Variants in SPPL2A observed in about 807,000 individuals in gnomAD.
SPPL2A encodes the protein signal peptide peptidase like 2A.
Under a neutral mutation model 63.8 loss-of-function variants are expected in SPPL2A, and 51 were observed. That is an observed-to-expected ratio of 0.80 (90% CI 0.64 to 1.01). The LOEUF is 1.01. SPPL2A is among the 50% of genes least tolerant of loss of function. SPPL2A has a pLI of 0.00. For synonymous variants in SPPL2A, 188 were observed against 205.8 expected (o/e 0.91, Z 0.74); for missense variants, 553 against 622.7 (o/e 0.89, Z 1.19).
intron 6 of SPPL2A, among the ~76,000 whole-genome samples, chr15:50,738,363 A>T (rs2062790340): frequency 6.6e-6 from 1 of 152,130 alleles, no homozygotes; most frequent in Non-Finnish European, 1.5e-5. Context: ...AGCCTGGTCA[A>T]CATAGTGAAA....
chr15:50,718,774 T>C (rs2062620002), intron 14 of SPPL2A, among the ~76,000 whole-genome samples: 1 of 152,166 alleles, frequency 6.6e-6, no homozygotes, highest in South Asian at 2.1e-4. Context: ...AGTAACACTA[T>C]AAATGACATG....
chr15:50,741,871 C>T (rs964300157), intron 5 of SPPL2A, among the ~76,000 whole-genome samples: 1 of 151,882 alleles, frequency 6.6e-6, no homozygotes, highest in African/African-American at 2.4e-5. Flanking sequence ...GAGGCTGAGG[C>T]AGCAGAATCG....
At chr15:50,732,466 A>G in intron 9 of SPPL2A, 137 bp downstream of exon 9, 1 of 595,772 alleles carries the variant, frequency 1.7e-6, no homozygotes, top group Non-Finnish European at 3.0e-6. Flanking sequence ...GATAGTGGTT[A>G]TAAAGTTACA....
intron 1 of SPPL2A, among the ~76,000 whole-genome samples, chr15:50,763,665 G>C (rs1167565218): frequency 2.0e-5 from 3 of 152,164 alleles, no homozygotes; most frequent in Admixed American, 6.6e-5. Flanking sequence ...TTGGGAGGCC[G>C]AGGAGGGTGG....
Position 50,759,966 on chromosome 15 carries a change from A to G in SPPL2A, c.66+5502T>C, listed in dbSNP as rs532161732. 4.6e-5 allele frequency among the ~76,000 whole-genome samples: 7 copies of G among 152,316 alleles called. No individual in the cohort carries two copies. In the East Asian group the frequency reaches 1.3e-3, roughly 29 times the overall value. On this transcript the variant is annotated intron_variant, in intron 1 of 14. Transcript: ENST00000261854. ...CCATTAGTGACTTAGAAAGGAGCCA[A>G]TGGGTTGTAGAAATCACAGACAGTT... is the stretch of plus-strand genomic sequence containing the variant.
chr15:50,739,563 C>A, intron 6 of SPPL2A, 117 bp downstream of exon 6: 2 of 656,828 alleles, frequency 3.0e-6, no homozygotes, highest in Non-Finnish European at 4.8e-6. Flanking sequence ...TTAATATTAA[C>A]CAAATTATTC....
chr15:50,723,138 T>C (rs1477716740), intron 12 of SPPL2A, among the ~76,000 whole-genome samples: 1 of 152,118 alleles, frequency 6.6e-6, no homozygotes, highest in Non-Finnish European at 1.5e-5. Context: ...TTAGAATGGC[T>C]GTTATTAAAA....
chr15:50,740,427 C>CAAAA (rs34361362), intron 5 of SPPL2A, among the ~76,000 whole-genome samples: 2 of 60,074 alleles, frequency 3.3e-5, no homozygotes, highest in Non-Finnish European at 6.5e-5. Context: ...AACTCCGTCT[C>CAAAA]AAAAAAAAAA....
At chr15:50,742,945 A>C (rs767704147) in intron 5 of SPPL2A, 1 of 152,254 alleles carries the variant, frequency 6.6e-6, no homozygotes, top group Non-Finnish European at 1.5e-5. Context: ...AGTGTGGTCC[A>C]TAGGCCAGCT....
chr15:50,764,883 T>G (rs2063044021), intron 1 of SPPL2A, among the ~76,000 whole-genome samples: 1 of 150,916 alleles, frequency 6.6e-6, no homozygotes, highest in Non-Finnish European at 1.5e-5. Context: ...TAAAAGTTAT[T>G]TTAAATTACT....
In SPPL2A at chr15:50,706,949, C is replaced by G. The variant is rs557795883; in HGVS notation, c.*851G>C. 1.3e-5 allele frequency: 2 copies of G among 152,000 alleles called. No homozygotes were observed. Among genetic ancestry groups the G allele is most frequent in the African/African-American group, 4.8e-5 (2 of 41,372 alleles). 9.4% of individuals were successfully genotyped at this position (152,000 alleles called of 1,614,324 possible). Reference sequence around the variant, plus strand: ...CGTGCAGTCTGAAGTAATTTCAGTTCTCAAGTTTATGAAAGGATTGGGTTT... The same window carrying G: ...CGTGCAGTCTGAAGTAATTTCAGTTGTCAAGTTTATGAAAGGATTGGGTTT... On this transcript the variant is annotated 3_prime_UTR_variant, in exon 15 of 15. Transcript: ENST00000261854.
intron 1 of SPPL2A, among the ~76,000 whole-genome samples, chr15:50,763,665 G>A (rs1167565218): frequency 2.0e-5 from 3 of 152,164 alleles, no homozygotes; most frequent in African/African-American, 4.8e-5. Context: ...TTGGGAGGCC[G>A]AGGAGGGTGG....
At position 50,739,755 on chromosome 15, in the gene SPPL2A, G is replaced by A. The variant is rs1315014762; in HGVS notation, c.658C>T (p.Pro220Ser). The stretch of plus-strand genomic sequence containing the variant: ...ACCACAAATATTACAACTGTAAGAG[G>A]ACTAAAAGTTAAATATTCTTCCTTC... ...KKKEEYLTFS[P>S]LTVVIFVVIC... is the part of the protein sequence containing the mutation. The change falls in exon 6 of 15, where the codon CCT becomes TCT. Residue 220 changes from proline to serine, a missense_variant. Coordinates refer to ENST00000261854, the MANE Select transcript of SPPL2A (RefSeq NM_032802.4). 3 of 1,598,502 alleles carry A rather than the reference G, an allele frequency of 1.9e-6. No homozygotes were observed. In the South Asian group the frequency reaches 3.4e-5, roughly 18 times the overall value.
chr15:50,714,659 T>C (rs1468109377), intron 14 of SPPL2A, among the ~76,000 whole-genome samples: 1 of 144,416 alleles, frequency 6.9e-6, no homozygotes, highest in East Asian at 2.1e-4. Context: ...TTTTTTTTCT[T>C]GGCCGGGCAC....
chr15:50,708,668 T>C (rs2062532319), intron 14 of SPPL2A, among the ~76,000 whole-genome samples: 1 of 148,140 alleles, frequency 6.8e-6, no homozygotes, highest in South Asian at 2.1e-4. Flanking sequence ...ATCACGCCAC[T>C]GCACTCTAGC....
At chr15:50,760,739 C>T (rs970108497) in intron 1 of SPPL2A, among the ~76,000 whole-genome samples, 1 of 152,172 alleles carries the variant, frequency 6.6e-6, no homozygotes, top group Non-Finnish European at 1.5e-5. Flanking sequence ...ATTCATTCCA[C>T]AGCACAGCAG....
intron 1 of SPPL2A, among the ~76,000 whole-genome samples, chr15:50,750,866 C>A (rs1270249628): frequency 2.6e-5 from 4 of 152,170 alleles, no homozygotes; most frequent in African/African-American, 9.7e-5. Flanking sequence ...AGAAAGAATG[C>A]TTGGCAAATG....
In SPPL2A at chr15:50,703,352, A is replaced by ATTTTTTTTT. The variant is rs1289066007; in HGVS notation, c.*4447_*4448insAAAAAAAAA. On this transcript the variant is annotated 3_prime_UTR_variant, in exon 15 of 15. Transcript: ENST00000261854. The stretch of plus-strand genomic sequence containing the variant: ...TATATATATATATATATATACATAT[A>ATTTTTTTTT]TATATTTTTTTTTTTTTTTTTTTTT... 7 of 63,384 alleles carry ATTTTTTTTT rather than the reference A, an allele frequency of 1.1e-4. No individual in the cohort carries two copies. The highest frequency in any genetic ancestry group is 3.8e-4 in the African/African-American group (6 of 15,860). The allele number at this position is 63,384 out of a possible 1,614,324, so 3.9% of individuals were successfully genotyped here.
chr15:50,731,547 GA>G (rs796167379), intron 9 of SPPL2A, among the ~76,000 whole-genome samples: 37 of 142,112 alleles, frequency 2.6e-4, no homozygotes, highest in Admixed American at 2.8e-4. Context: ...CTCTGTCTTG[GA>G]AAAAAAAAAA....
Sources: gnomAD v4.1 joint callset for allele counts (sites outside exome capture counted in the v4.1 genomes callset) on GRCh38, gnomAD v4.1.1 for gene constraint, MANE v1.5 for transcripts, NCBI Gene and HGNC (gene_info 2026-07-23, HGNC 2026-07-21) for gene names.